Variants in DNAAF4 observed in about 807,000 individuals in gnomAD.
DNAAF4 encodes dynein assembly factor 4, axonemal.
Under a neutral mutation model 51.8 loss-of-function variants are expected in DNAAF4, and 43 were observed. The observed-to-expected ratio is 0.83, with a 90% CI of 0.65 to 1.07. The LOEUF is 1.07. Ranked by LOEUF, DNAAF4 falls within the 50% of genes least tolerant of loss-of-function variation. DNAAF4 has a pLI of 0.00. For missense variants in DNAAF4, 581 were observed against 493.0 expected, an observed-to-expected ratio of 1.18 and a Z score of -1.69; for synonymous variants, 194 against 165.6, an observed-to-expected ratio of 1.17 and a Z score of -1.32.
chr15:55,439,186 G>A (rs2057666830), intron 7 of DNAAF4, among the ~76,000 whole-genome samples: 1 of 152,176 alleles, frequency 6.6e-6, no homozygotes, highest in East Asian at 1.9e-4. Context: ...CTGCAGCCAT[G>A]AACTCCTGGG....
Position 55,441,399 on chromosome 15 carries a change from TATA to T in DNAAF4, c.784-1821_784-1819del, listed in dbSNP as rs796157963. Among the ~76,000 whole-genome samples the T allele has an allele frequency of 1.3e-4, 20 of 152,156 alleles. 1 individual carries two copies. The highest frequency in any genetic ancestry group is 4.3e-4 in the African/African-American group (18 of 41,452). ...TGATTATTATTTTATCTTTCTGGGT[TATA>T]ATATTTTCATTTTTCTTTTTTTTTA... is the stretch of plus-strand genomic sequence containing the variant. On this transcript the variant is annotated intron_variant, in intron 6 of 9. Coordinates refer to ENST00000321149, the MANE Select transcript of DNAAF4 (RefSeq NM_130810.4).
intron 1 of DNAAF4, among the ~76,000 whole-genome samples, chr15:55,504,707 T>G (rs906158053): frequency 6.6e-6 from 1 of 152,224 alleles, no homozygotes; most frequent in African/African-American, 2.4e-5. Flanking sequence ...CTGGGAAAAC[T>G]GTCTAGCCAT....
At chr15:55,417,904 G>A (rs983289094) in exon 8 of DNAAF4, 36 of 447,256 alleles carry the variant, frequency 8.0e-5, no homozygotes, top group Non-Finnish European at 1.2e-4. Flanking sequence ...ATTCTGTGGC[G>A]GGCAGGGGCA....
At chr15:55,440,986 CT>C (rs1024001495) in intron 6 of DNAAF4, among the ~76,000 whole-genome samples, 1 of 149,040 alleles carries the variant, frequency 6.7e-6, no homozygotes, top group East Asian at 2.1e-4. Flanking sequence ...CGTCCTTAAA[CT>C]TTTTTTTAAA....
At chr15:55,462,311 G>A (rs1488750478) in intron 5 of DNAAF4, among the ~76,000 whole-genome samples, 1 of 151,846 alleles carries the variant, frequency 6.6e-6, no homozygotes, top group African/African-American at 2.4e-5. Context: ...TCCTGCCTCA[G>A]CTTCCCGAGT....
At chr15:55,444,660 G>A (rs2057767658) in intron 6 of DNAAF4, among the ~76,000 whole-genome samples, 1 of 152,154 alleles carries the variant, frequency 6.6e-6, no homozygotes, top group African/African-American at 2.4e-5. Flanking sequence ...TTACGATATT[G>A]ATTCTTTCTA....
At position 55,498,303 on chromosome 15, in the gene DNAAF4, G is replaced by C. The variant is rs1411127767; in HGVS notation, c.27C>G (p.Ser9Arg). 3 of 1,612,664 alleles carry C rather than the reference G, an allele frequency of 1.9e-6. No homozygotes were observed. The highest frequency in any genetic ancestry group is 2.5e-6 in the Non-Finnish European group (3 of 1,179,298). ...AGACCGCAGTCTTCGTCTGCTGCCAGCTGTAATCGCTAACCTGAAGAGGCA... is the reference window on the plus strand; with the variant it reads ...AGACCGCAGTCTTCGTCTGCTGCCACCTGTAATCGCTAACCTGAAGAGGCA... The part of the protein sequence containing the change: MPLQVSDY[S>R]WQQTKTAVFL... Residue 9 changes from serine to arginine, a missense_variant, in exon 2 of 10, where the codon AGC (serine) becomes AGG (arginine). Transcript: ENST00000321149.
At chr15:55,448,224 C>T (rs979423445) in intron 6 of DNAAF4, among the ~76,000 whole-genome samples, 16 of 152,040 alleles carry the variant, frequency 1.1e-4, no homozygotes, top group African/African-American at 2.4e-4. Flanking sequence ...TACTGATTTG[C>T]GTATGTTGAA....
intron 1 of DNAAF4, among the ~76,000 whole-genome samples, chr15:55,502,349 T>C (rs980186860): frequency 1.2e-4 from 19 of 152,186 alleles, no homozygotes; most frequent in African/African-American, 4.1e-4. Context: ...TTTTAAAATT[T>C]AAATATTTAA....
In DNAAF4 at chr15:55,472,939, G is replaced by T. The variant is rs558263402; in HGVS notation, c.406-5778C>A. Among the ~76,000 whole-genome samples the T allele has an allele frequency of 3.9e-4, 59 of 151,990 alleles. 1 individual carries two copies. Among genetic ancestry groups the T allele is most frequent in the African/African-American group, 1.4e-3 (58 of 41,458 alleles). On this transcript the variant is annotated intron_variant, in intron 4 of 9. Coordinates refer to ENST00000321149, the MANE Select transcript of DNAAF4 (RefSeq NM_130810.4). The stretch of plus-strand genomic sequence containing the variant: ...CCAACACTTTGGGAAGCCGAGTCAG[G>T]CAAATTACTTGAAGTCAGGAGTTAG...
intron 4 of DNAAF4, among the ~76,000 whole-genome samples, chr15:55,473,198 A>ATATAT (rs1555418729): frequency 1.3e-5 from 1 of 75,750 alleles, no homozygotes; most frequent in African/African-American, 5.4e-5. Context: ...AAAAAAAAAA[A>ATATAT]ATATATATAT....
intron 1 of DNAAF4, among the ~76,000 whole-genome samples, chr15:55,505,983 A>G (rs1047155682): frequency 5.3e-5 from 8 of 152,170 alleles, no homozygotes; most frequent in Admixed American, 5.2e-4. Context: ...TGGGTGACAC[A>G]AAGACCTTGT....
intron 5 of DNAAF4, among the ~76,000 whole-genome samples, chr15:55,461,122 G>A (rs1386185831): frequency 6.6e-6 from 1 of 151,534 alleles, no homozygotes; most frequent in Non-Finnish European, 1.5e-5. Context: ...AGGCTGGAGT[G>A]CAGTGGTGCA....
At chr15:55,436,282 C>A (rs2057609141) in intron 7 of DNAAF4, among the ~76,000 whole-genome samples, 1 of 152,132 alleles carries the variant, frequency 6.6e-6, no homozygotes, top group African/African-American at 2.4e-5. Context: ...AGACATTTCC[C>A]AAATGGTTAG....
chr15:55,505,404 A>C (rs528918260), intron 1 of DNAAF4, among the ~76,000 whole-genome samples: 1 of 152,310 alleles, frequency 6.6e-6, no homozygotes, highest in African/African-American at 2.4e-5. Flanking sequence ...TTGACCCAGC[A>C]ATCCCATTAC....
chr15:55,493,104 T>G (rs1483111096), intron 3 of DNAAF4, among the ~76,000 whole-genome samples: 2 of 152,150 alleles, frequency 1.3e-5, no homozygotes, highest in Non-Finnish European at 2.9e-5. Flanking sequence ...GAAAGCAGAC[T>G]TGCCCCTTCC....
At position 55,418,414 on chromosome 15, in the gene DNAAF4, A is replaced by T. The variant is rs1271194298; in HGVS notation, c.1048-281T>A. The T allele has an allele frequency of 3.3e-6, 5 of 1,529,892 alleles. No individual in the cohort carries two copies. The South Asian group carries it at 4.8e-5, about 15-fold the overall frequency. 94.8% of individuals were successfully genotyped at this position (1,529,892 alleles called of 1,614,324 possible). ...ATTCAAGTCATTATGGTGAATTTCT[A>T]CCTATTCCACAGTTTTTCCCCTGCA... On this transcript the variant is annotated intron_variant, in intron 7 of 7. Transcript: ENST00000448430.
chr15:55,470,412 T>C (rs920965794), intron 4 of DNAAF4, among the ~76,000 whole-genome samples: 3 of 152,150 alleles, frequency 2.0e-5, no homozygotes, highest in Non-Finnish European at 4.4e-5. Flanking sequence ...AAGAGATGTC[T>C]AGGGAAAGAT....
rs1481019992 is a variant in DNAAF4 at position 55,498,401 on chromosome 15, G to C, written c.-72C>G. 2 of 1,554,570 alleles carry C rather than the reference G, an allele frequency of 1.3e-6. No individual in the cohort carries two copies. Among genetic ancestry groups the C allele is most frequent in the African/African-American group, 1.4e-5 (1 of 72,512 alleles). On this transcript the variant is annotated 5_prime_UTR_variant, in exon 2 of 10. Coordinates refer to ENST00000321149, the MANE Select transcript of DNAAF4 (RefSeq NM_130810.4). ...CTGCTTGGTTGCTAGGGAAGCTGGGGTTACCATGCGCCAGCCCTTCCGGGT... is the reference window on the plus strand; with the variant it reads ...CTGCTTGGTTGCTAGGGAAGCTGGGCTTACCATGCGCCAGCCCTTCCGGGT...
Sources: allele counts gnomAD v4.1 joint callset (sites outside exome capture counted in the v4.1 genomes callset), GRCh38; gene constraint gnomAD v4.1.1; transcripts MANE v1.5; gene names NCBI Gene and HGNC (gene_info 2026-07-23, HGNC 2026-07-21).